NKAIN3: variants seen among roughly 807,000 people sequenced by gnomAD.
NKAIN3 encodes the protein sodium/potassium-transporting ATPase subunit beta-1-interacting protein 3.
NKAIN3 carries 25 observed loss-of-function variants against 30.2 expected under a neutral mutation model. The observed-to-expected ratio is 0.83, with a 90% CI of 0.60 to 1.16. NKAIN3 has a LOEUF of 1.16. Among genes scored for constraint, NKAIN3 ranks in the 50% most tolerant of loss-of-function variants. NKAIN3 has a pLI of 0.00. For missense variants in NKAIN3, 225 were observed against 254.1 expected, an observed-to-expected ratio of 0.89 and a Z score of 0.78; for synonymous variants, 91 against 89.6, an observed-to-expected ratio of 1.02 and a Z score of -0.09.
intron 4 of NKAIN3, among the ~76,000 whole-genome samples, chr8:62,912,336 T>C (rs1044594484): frequency 6.6e-6 from 1 of 152,144 alleles, no homozygotes; most frequent in Non-Finnish European, 1.5e-5. Context: ...AGGCCTAGGA[T>C]GTTACTCCAC....
intron 3 of NKAIN3, among the ~76,000 whole-genome samples, chr8:62,718,691 C>A (rs1814984783): frequency 6.6e-6 from 1 of 151,956 alleles, no homozygotes; most frequent in Non-Finnish European, 1.5e-5. Context: ...TCATCTAGAG[C>A]AAATTTATAT....
At chr8:62,995,577 A>T (rs993606672) in intron 5 of NKAIN3, among the ~76,000 whole-genome samples, 3 of 152,194 alleles carry the variant, frequency 2.0e-5, no homozygotes, top group Non-Finnish European at 4.4e-5. Flanking sequence ...CATAAATGTC[A>T]TAGAGATATG....
At chr8:62,397,892 A>C (rs373638532) in intron 1 of NKAIN3, among the ~76,000 whole-genome samples, 56 of 152,292 alleles carry the variant, frequency 3.7e-4, no homozygotes, top group African/African-American at 1.3e-3. Flanking sequence ...GGGGAACATT[A>C]ATAGTTGTGG....
intron 3 of NKAIN3, among the ~76,000 whole-genome samples, chr8:62,629,286 A>G (rs1367272758): frequency 1.3e-5 from 2 of 152,024 alleles, no homozygotes; most frequent in Non-Finnish European, 2.9e-5. Flanking sequence ...ATATTTCCTT[A>G]TCTAATATAC....
intron 4 of NKAIN3, among the ~76,000 whole-genome samples, chr8:62,901,557 C>G (rs1279888182): frequency 6.6e-6 from 1 of 152,170 alleles, no homozygotes. Context: ...AATTTTGACT[C>G]TTGTGCAAGG....
intron 4 of NKAIN3, among the ~76,000 whole-genome samples, chr8:62,799,499 C>T (rs1817984115): frequency 6.6e-6 from 1 of 152,102 alleles, no homozygotes; most frequent in African/African-American, 2.4e-5. Flanking sequence ...AATGTGATAC[C>T]ACCTAACTCC....
intron 3 of NKAIN3, among the ~76,000 whole-genome samples, chr8:62,655,133 C>T (rs781517632): frequency 1.3e-5 from 2 of 152,088 alleles, no homozygotes; most frequent in South Asian, 2.1e-4. Context: ...GATGACCATC[C>T]AGCTGTTTGC....
At chr8:62,538,863 A>T (rs1808750799) in intron 1 of NKAIN3, among the ~76,000 whole-genome samples, 1 of 152,218 alleles carries the variant, frequency 6.6e-6, no homozygotes, top group Admixed American at 6.5e-5. Context: ...AGTTCATTTA[A>T]GCAGGTAATG....
chr8:62,999,314 G>GGGA (rs1426814714), exon 6 of NKAIN3: 14 of 152,338 alleles, frequency 9.2e-5, no homozygotes, highest in African/African-American at 3.1e-4. Flanking sequence ...AAGGCAAAGC[G>GGGA]GGAGGAGGCA....
chr8:62,739,169 G>T (rs1445806805), intron 3 of NKAIN3, among the ~76,000 whole-genome samples: 2 of 152,006 alleles, frequency 1.3e-5, no homozygotes, highest in African/African-American at 4.8e-5. Flanking sequence ...TGTAGATGAT[G>T]AGTTGATGGG....
intron 3 of NKAIN3, among the ~76,000 whole-genome samples, chr8:62,741,188 T>C (rs926711186): frequency 6.6e-6 from 1 of 152,200 alleles, no homozygotes; most frequent in Non-Finnish European, 1.5e-5. Flanking sequence ...TTTGAGTCTA[T>C]GACGTTACAG....
At chr8:62,964,537 A>AGAGTGTGTGTGTGT (rs1386858813) in intron 6 of NKAIN3, among the ~76,000 whole-genome samples, 1 of 133,228 alleles carries the variant, frequency 7.5e-6, no homozygotes, top group East Asian at 2.3e-4. Flanking sequence ...AGAGAGAGAG[A>AGAGTGTGTGTGTGT]GTGTGTGTGT....
intron 4 of NKAIN3, among the ~76,000 whole-genome samples, chr8:62,754,959 T>G (rs1243309217): frequency 6.6e-6 from 1 of 152,202 alleles, no homozygotes; most frequent in Non-Finnish European, 1.5e-5. Context: ...CCCAATTGCT[T>G]TTAATTGTAC....
At chr8:62,694,504 G>A (rs1190809215) in intron 3 of NKAIN3, among the ~76,000 whole-genome samples, 2 of 152,084 alleles carry the variant, frequency 1.3e-5, no homozygotes, top group East Asian at 3.9e-4. Context: ...CAAAATAATG[G>A]ATCATATCAA....
chr8:62,312,967 A>G (rs563643046), intron 1 of NKAIN3, among the ~76,000 whole-genome samples: 1 of 152,224 alleles, frequency 6.6e-6, no homozygotes, highest in Admixed American at 6.5e-5. Flanking sequence ...ATTGTAATAT[A>G]TGTTTCCACC....
chr8:62,258,901 A>G (rs1472181325), intron 1 of NKAIN3, among the ~76,000 whole-genome samples: 1 of 152,152 alleles, frequency 6.6e-6, no homozygotes. Context: ...GATCAGCAAC[A>G]ATGAAGAATC....
chr8:62,786,377 G>C (rs1237110541), intron 4 of NKAIN3, among the ~76,000 whole-genome samples: 1 of 151,998 alleles, frequency 6.6e-6, no homozygotes, highest in Non-Finnish European at 1.5e-5. Flanking sequence ...TGCAGGGAGG[G>C]ACAGCTTGAG....
chr8:62,681,031 A>T (rs576548019), intron 3 of NKAIN3, among the ~76,000 whole-genome samples: 1 of 152,316 alleles, frequency 6.6e-6, no homozygotes, highest in South Asian at 2.1e-4. Context: ...AATTATTTCA[A>T]TAAGGGAGAA....
intron 3 of NKAIN3, among the ~76,000 whole-genome samples, chr8:62,660,165 A>T (rs1160608137): frequency 6.6e-6 from 1 of 152,118 alleles, no homozygotes; most frequent in Non-Finnish European, 1.5e-5. Flanking sequence ...TGAGCACTGG[A>T]GCAACAATCA....
Sources: gnomAD v4.1 joint callset for allele counts (sites outside exome capture counted in the v4.1 genomes callset) on GRCh38, gnomAD v4.1.1 for gene constraint, MANE v1.5 for transcripts, NCBI Gene and HGNC (gene_info 2026-07-23, HGNC 2026-07-21) for gene names.